The following SLC26A7 variants were observed in gnomAD, a reference collection of about 807,000 sequenced individuals.
SLC26A7 encodes the protein solute carrier family 26 member 7.
Under a neutral mutation model 82.5 loss-of-function variants are expected in SLC26A7, and 59 were observed. The observed-to-expected ratio is 0.72, with a 90% CI of 0.58 to 0.89. The LOEUF is 0.89. Among genes scored for constraint, SLC26A7 ranks in the 40% least tolerant of loss-of-function variants. The pLI is 0.00. For missense variants in SLC26A7, 820 were observed against 793.0 expected (o/e 1.03, Z -0.41); for synonymous variants, 271 against 274.3 (o/e 0.99, Z 0.12).
chr8:91,366,515 A>T, intron 13 of SLC26A7, 65 bp from the exon 14 acceptor site: 3 of 1,540,010 alleles, frequency 1.9e-6, no homozygotes, highest in Non-Finnish European at 2.6e-6. Context: ...TGACATTTAG[A>T]TCTGATTGTT....
intron 2 of SLC26A7, among the ~76,000 whole-genome samples, chr8:91,288,675 G>T (rs949559501): frequency 6.6e-6 from 1 of 152,200 alleles, no homozygotes; most frequent in Non-Finnish European, 1.5e-5. Flanking sequence ...CCAATGTTGA[G>T]TATGCGTCCT....
At chr8:91,335,535 G>T (rs1586424326) in intron 6 of SLC26A7, among the ~76,000 whole-genome samples, 1 of 152,080 alleles carries the variant, frequency 6.6e-6, no homozygotes, top group Admixed American at 6.6e-5. Flanking sequence ...ATTATATCTT[G>T]GGAAGCTATA....
At chr8:91,358,126 A>C (rs1463729871) in intron 11 of SLC26A7, among the ~76,000 whole-genome samples, 1 of 152,174 alleles carries the variant, frequency 6.6e-6, no homozygotes, top group East Asian at 1.9e-4. Context: ...GCTGGAGAGG[A>C]TGTGGAGAAA....
intron 2 of SLC26A7, among the ~76,000 whole-genome samples, chr8:91,270,366 G>T (rs1193167976): frequency 6.6e-6 from 1 of 152,114 alleles, no homozygotes; most frequent in Non-Finnish European, 1.5e-5. Flanking sequence ...GTTGTTTCCT[G>T]GTCTGGGGAA....
At chr8:91,367,630 G>T (rs2130876942) in intron 14 of SLC26A7, among the ~76,000 whole-genome samples, 1 of 152,216 alleles carries the variant, frequency 6.6e-6, no homozygotes, top group East Asian at 1.9e-4. Context: ...TTGAATCTTT[G>T]TTCTTCAGTT....
chr8:91,341,257 G>A (rs1039746639), intron 8 of SLC26A7, among the ~76,000 whole-genome samples: 3 of 151,818 alleles, frequency 2.0e-5, no homozygotes, highest in African/African-American at 4.8e-5. Flanking sequence ...TTGTTCTTGC[G>A]ATAGTTTACT....
intron 2 of SLC26A7, among the ~76,000 whole-genome samples, chr8:91,263,591 TG>T (rs1243652287): frequency 6.6e-6 from 1 of 152,080 alleles, no homozygotes; most frequent in African/African-American, 2.4e-5. Flanking sequence ...TGCCCTGTGT[TG>T]GGCCATAAGC....
At chr8:91,223,041 C>A (rs1810182707) in intron 2 of SLC26A7, among the ~76,000 whole-genome samples, 1 of 152,038 alleles carries the variant, frequency 6.6e-6, no homozygotes, top group Non-Finnish European at 1.5e-5. Flanking sequence ...AGGGATTCGA[C>A]TTCTTTCTGG....
chr8:91,245,770 C>G (rs1810537121), upstream of SLC26A7, among the ~76,000 whole-genome samples: 1 of 152,120 alleles, frequency 6.6e-6, no homozygotes, highest in Admixed American at 6.6e-5. Flanking sequence ...AAATGTGATT[C>G]AGTTTATAAC....
At chr8:91,238,752 A>G (rs967837998) in intron 2 of SLC26A7, among the ~76,000 whole-genome samples, 5 of 151,942 alleles carry the variant, frequency 3.3e-5, no homozygotes, top group African/African-American at 9.7e-5. Flanking sequence ...TTCCTTGGGT[A>G]TGGAAGCTAT....
intron 2 of SLC26A7, among the ~76,000 whole-genome samples, chr8:91,225,086 C>G (rs1310149992): frequency 2.0e-5 from 3 of 152,228 alleles, no homozygotes; most frequent in African/African-American, 7.2e-5. Context: ...GCCGCCTTTC[C>G]CTTGCCTAGG....
intron 5 of SLC26A7, among the ~76,000 whole-genome samples, chr8:91,328,752 ATATGTGTGTG>A (rs1812999265): frequency 6.6e-6 from 1 of 152,052 alleles, no homozygotes; most frequent in African/African-American, 2.4e-5. Flanking sequence ...AATATATTGT[ATATGTGTGTG>A]TATGTGTGTG....
intron 2 of SLC26A7, among the ~76,000 whole-genome samples, chr8:91,270,233 C>G (rs1402559921): frequency 6.6e-6 from 1 of 152,116 alleles, no homozygotes; most frequent in Non-Finnish European, 1.5e-5. Context: ...TTTGGTGGTA[C>G]TAGACCTTTA....
At chr8:91,275,369 G>T (rs1040812651) in intron 2 of SLC26A7, among the ~76,000 whole-genome samples, 2 of 152,158 alleles carry the variant, frequency 1.3e-5, no homozygotes, top group Non-Finnish European at 2.9e-5. Context: ...CATGTTCACA[G>T]TTCACTGCAG....
chr8:91,263,634 C>T (rs552445040), intron 2 of SLC26A7, among the ~76,000 whole-genome samples: 1 of 152,132 alleles, frequency 6.6e-6, no homozygotes, highest in Non-Finnish European at 1.5e-5. Flanking sequence ...CTGGAATATT[C>T]TCTTAGTTCC....
Position 91,318,206 on chromosome 8 carries a change from C to A in SLC26A7, c.478-10C>A, listed in dbSNP as rs757760021. 6.3e-7 allele frequency: 1 copy of A among 1,587,444 alleles called. No homozygotes were observed. The highest frequency in any genetic ancestry group is 1.1e-5 in the South Asian group (1 of 87,612). On this transcript the variant is annotated splice_polypyrimidine_tract_variant and intron_variant, in intron 4 of 18. Transcript: ENST00000276609. Reference sequence around the variant, plus strand: ...CTGAAGTTCATCTCACTTCTCCCTTCTCCTCTTAGGTGGCCATGTTTGTGC... The same window carrying A: ...CTGAAGTTCATCTCACTTCTCCCTTATCCTCTTAGGTGGCCATGTTTGTGC...
intron 2 of SLC26A7, among the ~76,000 whole-genome samples, chr8:91,243,347 T>C (rs755719462): frequency 6.8e-4 from 103 of 152,156 alleles, no homozygotes; most frequent in Non-Finnish European, 1.1e-3. Context: ...CATCAGTCAG[T>C]AGAGGACTGA....
chr8:91,367,293 C>G (rs964802435), intron 14 of SLC26A7, among the ~76,000 whole-genome samples: 7 of 152,176 alleles, frequency 4.6e-5, no homozygotes, highest in African/African-American at 1.7e-4. Flanking sequence ...CAGGCGTGAG[C>G]CACTGCGCCC....
At position 91,369,795 on chromosome 8, in the gene SLC26A7, A is replaced by G. The variant is rs148276214; in HGVS notation, c.1637A>G (p.Asn546Ser). 84 of 1,598,048 alleles carry G rather than the reference A, an allele frequency of 5.3e-5. No homozygotes were observed. Among genetic ancestry groups the G allele is most frequent in the South Asian group, 1.1e-4 (10 of 88,354 alleles). The change falls in exon 15 of 19, where the codon AAC becomes AGC. Residue 546 changes from asparagine (N) to serine (S), a missense_variant. Transcript: ENST00000276609. ...TTGTTTTTATTTTAGTGTGAACAAA[A>G]CACATTGCTTAATTCCCTATCCAAT... Reference protein sequence around the residue: ...PLDDISKCEQNTLLNSLSNGN... With the variant: ...PLDDISKCEQSTLLNSLSNGN...
Sources: gnomAD v4.1 joint callset for allele counts (sites outside exome capture counted in the v4.1 genomes callset) on GRCh38, gnomAD v4.1.1 for gene constraint, MANE v1.5 for transcripts, NCBI Gene and HGNC (gene_info 2026-07-23, HGNC 2026-07-21) for gene names.